DTNA: variants seen among roughly 807,000 people sequenced by gnomAD.
The protein encoded by DTNA is dystrophin-related protein 3.
Under a neutral mutation model 100.7 loss-of-function variants are expected in DTNA, and 43 were observed. The observed-to-expected ratio is 0.43, with a 90% confidence interval of 0.33 to 0.55. DTNA has a LOEUF of 0.55. Among genes scored for constraint, DTNA ranks in the 20% least tolerant of loss-of-function variants. DTNA has a pLI of 0.04. For missense variants in DTNA, 798 were observed against 953.9 expected (o/e 0.84, Z 2.15); for synonymous variants, 349 against 347.9 (o/e 1.00, Z -0.04).
chr18:34,703,362 C>T (rs1371358965), intron 1 of DTNA, among the ~76,000 whole-genome samples: 1 of 152,148 alleles, frequency 6.6e-6, no homozygotes, highest in African/African-American at 2.4e-5. Flanking sequence ...AATGTCTCGC[C>T]TGGCAAAAAC....
intron 1 of DTNA, among the ~76,000 whole-genome samples, chr18:34,618,343 GA>G (rs1425063041): frequency 6.6e-6 from 1 of 152,142 alleles, no homozygotes; most frequent in Non-Finnish European, 1.5e-5. Context: ...TTTTGATGAT[GA>G]AAATCCAGAG....
intron 1 of DTNA, among the ~76,000 whole-genome samples, chr18:34,651,690 C>T (rs1350882018): frequency 2.0e-5 from 3 of 152,146 alleles, no homozygotes; most frequent in Admixed American, 2.0e-4. Context: ...ATGAGAAGTG[C>T]AGAATCAATG....
chr18:34,877,724 A>G lies in DTNA; in HGVS notation c.1909A>G (p.Arg637Gly), dbSNP rs1185248443. 1.9e-6 allele frequency: 3 copies of G among 1,613,584 alleles called. No homozygotes were observed. The highest frequency in any genetic ancestry group is 2.2e-5 in the South Asian group (2 of 91,062). ...TTATTTCTTCTTCCCTGAAGGTTCA[A>G]GAAGAAACTTAAGGAATGACTTGCT... Reference protein sequence around the residue: ...DVQEAFAQSSRRNLRNDLLVA... With the variant: ...DVQEAFAQSSGRNLRNDLLVA... The change falls in exon 19 of 23, where the codon AGA (arginine) becomes GGA (glycine). Residue 637 changes from arginine (R) to glycine (G), a missense_variant. By Grantham distance (125) the Arg-to-Gly change is moderately radical. Around this residue, in one of 6 missense-constraint regions of DTNA, gnomAD observed 242 missense variants for 238.2 expected, o/e 1.02. Coordinates refer to ENST00000444659, the MANE Select transcript of DTNA (RefSeq NM_001386795.1).
At chr18:34,842,053 GAGA>G (rs1317476516) in intron 13 of DTNA, among the ~76,000 whole-genome samples, 2 of 152,078 alleles carry the variant, frequency 1.3e-5, no homozygotes, top group African/African-American at 2.4e-5. Context: ...CTCATTGCAG[GAGA>G]AGGAGTCTGA....
chr18:34,825,710 G>GT (rs1241933681), intron 9 of DTNA, among the ~76,000 whole-genome samples: 1 of 152,088 alleles, frequency 6.6e-6, no homozygotes, highest in African/African-American at 2.4e-5. Flanking sequence ...TTTCAGCTTT[G>GT]TAGTGACCAG....
chr18:34,522,984 G>A (rs1180251112), intron 1 of DTNA, among the ~76,000 whole-genome samples: 2 of 152,202 alleles, frequency 1.3e-5, no homozygotes, highest in Non-Finnish European at 2.9e-5. Flanking sequence ...CAGGAAAGAT[G>A]AGCTTTCAGC....
At chr18:34,855,295 T>C (rs2096539165) in intron 15 of DTNA, among the ~76,000 whole-genome samples, 1 of 152,214 alleles carries the variant, frequency 6.6e-6, no homozygotes, top group Admixed American at 6.5e-5. Flanking sequence ...TGACAGAATG[T>C]CCGCATGTTT....
chr18:34,625,281 G>A (rs1483149808), intron 1 of DTNA, among the ~76,000 whole-genome samples: 10 of 151,996 alleles, frequency 6.6e-5, no homozygotes, highest in Non-Finnish European at 8.8e-5. Context: ...CACCTGCCTC[G>A]GCCTCCCAAA....
intron 1 of DTNA, among the ~76,000 whole-genome samples, chr18:34,591,678 A>G (rs1157793090): frequency 1.3e-5 from 2 of 152,184 alleles, no homozygotes; most frequent in Non-Finnish European, 2.9e-5. Flanking sequence ...AAGTCATTAG[A>G]ATGCCCGTCT....
chr18:34,890,166 G>A lies in DTNA; in HGVS notation c.*2432G>A. 1 of 1,440,020 alleles carries A rather than the reference G, an allele frequency of 6.9e-7. No homozygotes were observed. Among genetic ancestry groups the A allele is most frequent in the Non-Finnish European group, 9.1e-7 (1 of 1,103,026 alleles). 89.2% of individuals were successfully genotyped at this position (1,440,020 alleles called of 1,614,324 possible). A position where few individuals can be genotyped will look rare whatever the true frequency, so the allele number is the denominator to read the frequency against. ...TGTTCTGCTGATAACCTTCCCCGTTGTCATAGCTATTTCATTGCCAACCAA... is the reference window on the plus strand; with the variant it reads ...TGTTCTGCTGATAACCTTCCCCGTTATCATAGCTATTTCATTGCCAACCAA... On this transcript the variant is annotated 3_prime_UTR_variant, in exon 23 of 23. Transcript: ENST00000444659.
intron 17 of DTNA, among the ~76,000 whole-genome samples, chr18:34,873,760 G>A (rs1358743891): frequency 1.3e-5 from 2 of 152,204 alleles, no homozygotes; most frequent in African/African-American, 4.8e-5. Context: ...GCATGGGAAG[G>A]TCAAGGATGC....
chr18:34,678,156 A>G (rs1156300978), intron 1 of DTNA, among the ~76,000 whole-genome samples: 1 of 152,126 alleles, frequency 6.6e-6, no homozygotes, highest in Non-Finnish European at 1.5e-5. Context: ...CCCTCCTGTG[A>G]TATGTGGGGA....
In DTNA at chr18:34,819,297, A is replaced by G. The variant is rs28631052; in HGVS notation, c.876+967A>G. On this transcript the variant is annotated intron_variant, in intron 8 of 22. Transcript: ENST00000444659. ...TCCTAGGAATTATTATTGGGAACCA[A>G]TATTCAGTGTAAATATACTAGTACT... Among the ~76,000 whole-genome samples, 626 of 152,328 alleles carry G rather than the reference A, an allele frequency of 4.1e-3. 3 individuals are homozygous for G. Among genetic ancestry groups the G allele is most frequent in the African/African-American group, 0.014 (565 of 41,588 alleles).
chr18:34,807,866 T>C lies in DTNA; in HGVS notation c.448+1562T>C, dbSNP rs1210941879. Among the ~76,000 whole-genome samples, 5 of 147,878 alleles carry C rather than the reference T, an allele frequency of 3.4e-5. 1 individual carries two copies. Among genetic ancestry groups the C allele is most frequent in the Admixed American group, 2.0e-4 (3 of 14,936 alleles). The stretch of plus-strand genomic sequence containing the variant: ...AGGGCTTTTTTTTTTCTTTTTTTTT[T>C]TCAAAAAAAAAGAAAAAAAAAAAGC... On this transcript the variant is annotated intron_variant, in intron 5 of 22. Coordinates refer to ENST00000444659, the MANE Select transcript of DTNA (RefSeq NM_001386795.1).
intron 1 of DTNA, among the ~76,000 whole-genome samples, chr18:34,661,643 A>G (rs2075203197): frequency 6.6e-6 from 1 of 152,164 alleles, no homozygotes; most frequent in African/African-American, 2.4e-5. Context: ...AACAGGATGA[A>G]TGAACATTCA....
At chr18:34,649,976 T>C (rs17642885) in intron 1 of DTNA, among the ~76,000 whole-genome samples, 11,426 of 152,110 alleles carry the variant, frequency 0.075, 585 homozygotes, top group Middle Eastern at 0.11. Flanking sequence ...GCCTTCAAAT[T>C]CCAAGCTGTG....
chr18:34,735,784 A>G (rs919795096), intron 1 of DTNA, among the ~76,000 whole-genome samples: 24 of 152,122 alleles, frequency 1.6e-4, no homozygotes, highest in African/African-American at 5.6e-4. Flanking sequence ...TCAACTCATT[A>G]CCCAGGTATT....
At chr18:34,814,446 A>T (rs1337361885) in intron 6 of DTNA, among the ~76,000 whole-genome samples, 1 of 152,036 alleles carries the variant, frequency 6.6e-6, no homozygotes, top group Non-Finnish European at 1.5e-5. Flanking sequence ...TAGCACTGAG[A>T]GGCTGAGGCA....
chr18:34,744,389 A>G (rs1316183863), intron 1 of DTNA, among the ~76,000 whole-genome samples: 2 of 152,152 alleles, frequency 1.3e-5, no homozygotes, highest in Admixed American at 6.5e-5. Flanking sequence ...CATCATGGAT[A>G]TCATGATTGT....
Sources: gnomAD v4.1 joint callset for allele counts (sites outside exome capture counted in the v4.1 genomes callset) on GRCh38, gnomAD v4.1.1 for gene constraint, gnomAD v4.1.1 regional missense constraint, MANE v1.5 for transcripts, NCBI Gene and HGNC (gene_info 2026-07-23, HGNC 2026-07-21) for gene names.